VRK2: variants seen among roughly 807,000 people sequenced by gnomAD.
The protein encoded by VRK2 is VRK serine/threonine kinase 2.
In VRK2, 60 loss-of-function variants were observed where a neutral mutation model predicts 57.6. The observed-to-expected ratio is 1.04, with a 90% CI of 0.85 to 1.29. The LOEUF is 1.29. Ranked by LOEUF, VRK2 falls within the 50% of genes most tolerant of loss-of-function variation. The probability of loss-of-function intolerance (pLI) is 0.00; values close to 1 mark genes in which losing one functional copy is unlikely to be tolerated. For missense variants in VRK2, 705 were observed against 588.1 expected, an observed-to-expected ratio of 1.20 and a Z score of -2.06; for synonymous variants, 231 against 199.2, an observed-to-expected ratio of 1.16 and a Z score of -1.35.
In VRK2 at chr2:57,923,781, A is replaced by G. The variant is rs192944680; in HGVS notation, c.-439+15942A>G. The stretch of plus-strand genomic sequence containing the variant: ...GCTTTGGTTGCCTTTGCTTGTGGAT[A>G]TTACTCAAGAAATTTTTGCCCATTA... On this transcript the variant is annotated intron_variant, in intron 1 of 15. Coordinates refer to the VRK2 transcript ENST00000417641. Among the ~76,000 whole-genome samples the G allele has an allele frequency of 1.7e-4, 26 of 151,828 alleles. No homozygotes were observed. The South Asian group carries it at 4.4e-3, about 25-fold the overall frequency.
chr2:58,079,670 A>C (rs1490333834), intron 2 of VRK2, among the ~76,000 whole-genome samples: 1 of 152,038 alleles, frequency 6.6e-6, no homozygotes, highest in Non-Finnish European at 1.5e-5. Context: ...TTTCAATGGC[A>C]AAACCGTGAT....
intron 1 of VRK2, among the ~76,000 whole-genome samples, chr2:58,015,101 T>G (rs1043373858): frequency 6.6e-6 from 1 of 152,208 alleles, no homozygotes; most frequent in Non-Finnish European, 1.5e-5. Flanking sequence ...ATCCTGGTAG[T>G]GGCTATATTC....
chr2:58,028,977 C>T (rs1674032507), intron 2 of VRK2, among the ~76,000 whole-genome samples: 1 of 124,844 alleles, frequency 8.0e-6, no homozygotes, highest in Non-Finnish European at 1.6e-5. Flanking sequence ...GAAGAATAAG[C>T]CAATAGAATA....
At chr2:58,087,564 A>G (rs1284070495) in intron 5 of VRK2, among the ~76,000 whole-genome samples, 1 of 152,232 alleles carries the variant, frequency 6.6e-6, no homozygotes, top group East Asian at 1.9e-4. Flanking sequence ...TGATGTGGAT[A>G]TATAAATGAA....
chr2:58,065,679 A>G (rs562133494), intron 2 of VRK2, among the ~76,000 whole-genome samples: 14 of 152,270 alleles, frequency 9.2e-5, no homozygotes, highest in Middle Eastern at 3.4e-3. Flanking sequence ...AGCTAAATCT[A>G]TTGATAAATT....
chr2:57,983,131 C>T (rs568845708), intron 1 of VRK2, among the ~76,000 whole-genome samples: 22 of 152,276 alleles, frequency 1.4e-4, no homozygotes, highest in Non-Finnish European at 2.6e-4. Flanking sequence ...CCACTCTCAA[C>T]GCCTTCTTTC....
intron 1 of VRK2, among the ~76,000 whole-genome samples, chr2:57,958,759 T>C (rs186677607): frequency 1.6e-3 from 245 of 152,260 alleles, no homozygotes; most frequent in African/African-American, 5.1e-3. Flanking sequence ...CCACATCCTA[T>C]AGCTAGCTCA....
intron 7 of VRK2, among the ~76,000 whole-genome samples, chr2:58,113,983 A>G (rs761571903): frequency 2.1e-4 from 32 of 152,146 alleles, no homozygotes; most frequent in Admixed American, 9.8e-4. Context: ...CTGCTTCAAC[A>G]GGATTAGGGG....
intron 2 of VRK2, among the ~76,000 whole-genome samples, chr2:58,081,724 T>C (rs973721783): frequency 6.6e-6 from 1 of 151,906 alleles, no homozygotes; most frequent in Admixed American, 6.6e-5. Flanking sequence ...GTCAATGTTT[T>C]CAGTCTACCG....
Position 58,009,732 on chromosome 2 carries a change from G to A in VRK2, c.-438-15933G>A, listed in dbSNP as rs952272336. Among the ~76,000 whole-genome samples, 15 of 151,738 alleles carry A rather than the reference G, an allele frequency of 9.9e-5. 1 individual carries two copies. Among genetic ancestry groups the A allele is most frequent in the African/African-American group, 3.6e-4 (15 of 41,354 alleles). ...GCTCATATTTTATTAAAATTGTGAA[G>A]AGTACAATACAGATGCTTAAGAAAA... On this transcript the variant is annotated intron_variant, in intron 1 of 15. Transcript: ENST00000417641.
intron 1 of VRK2, among the ~76,000 whole-genome samples, chr2:57,963,302 T>C (rs745457535): frequency 1.3e-5 from 2 of 152,190 alleles, no homozygotes; most frequent in Non-Finnish European, 2.9e-5. Context: ...TTAAAAGAAA[T>C]CAGAATTTGT....
intron 1 of VRK2, among the ~76,000 whole-genome samples, chr2:57,953,397 T>C (rs1266897735): frequency 2.0e-5 from 3 of 152,180 alleles, no homozygotes; most frequent in African/African-American, 7.2e-5. Context: ...ATTCTAACTA[T>C]TGATAGGGCA....
intron 12 of VRK2, 130 bp from the exon 13 acceptor site, chr2:58,159,219 T>G: frequency 1.5e-6 from 1 of 662,522 alleles, no homozygotes. Flanking sequence ...AAATTACTTC[T>G]CAGGAAAAAT....
intron 1 of VRK2, among the ~76,000 whole-genome samples, chr2:57,988,125 C>A (rs1029017107): frequency 1.2e-4 from 18 of 151,908 alleles, no homozygotes; most frequent in African/African-American, 3.6e-4. Flanking sequence ...TCTTGCAGGA[C>A]TGTATAAAAA....
chr2:57,918,076 G>A (rs1185168129), intron 1 of VRK2, among the ~76,000 whole-genome samples: 1 of 152,092 alleles, frequency 6.6e-6, no homozygotes, highest in Admixed American at 6.6e-5. Flanking sequence ...TCCAGCATGT[G>A]AAGCTTAATT....
chr2:57,995,156 T>C (rs1672886837), intron 1 of VRK2, among the ~76,000 whole-genome samples: 1 of 152,210 alleles, frequency 6.6e-6, no homozygotes, highest in Non-Finnish European at 1.5e-5. Context: ...TCAGTGAATT[T>C]TCCATACACT....
intron 2 of VRK2, among the ~76,000 whole-genome samples, chr2:58,027,687 A>G (rs917785936): frequency 3.3e-5 from 5 of 152,196 alleles, no homozygotes; most frequent in Admixed American, 6.6e-5. Flanking sequence ...TGGCCCCTAT[A>G]AAGATAGAAA....
intron 1 of VRK2, among the ~76,000 whole-genome samples, chr2:57,924,501 G>T (rs1670466932): frequency 6.6e-6 from 1 of 151,816 alleles, no homozygotes. Context: ...TTAATTTCTT[G>T]ACTCCTTTCT....
rs1413506734 is a variant in VRK2 at position 58,131,907 on chromosome 2, C to T, written c.776C>T (p.Ala259Val). 1.2e-6 allele frequency: 2 copies of T among 1,614,122 alleles called. No homozygotes were observed. Among genetic ancestry groups the T allele is most frequent in the South Asian group, 2.2e-5 (2 of 91,090 alleles). ...GAACAGAACCTGAAGGACCCTGTGGCTGTGCAGACTGCTAAAACAAAGTAC... is the reference window on the plus strand; with the variant it reads ...GAACAGAACCTGAAGGACCCTGTGGTTGTGCAGACTGCTAAAACAAAGTAC... Reference protein sequence around the residue: ...PWEQNLKDPVAVQTAKTNLLD... With the variant: ...PWEQNLKDPVVVQTAKTNLLD... The change falls in exon 9 of 13, where the codon GCT (alanine) becomes GTT (valine). Residue 259 changes from alanine (A) to valine (V), a missense_variant. Transcript: ENST00000340157.
Sources: allele counts gnomAD v4.1 joint callset (sites outside exome capture counted in the v4.1 genomes callset), GRCh38; gene constraint gnomAD v4.1.1; transcripts MANE v1.5; gene names NCBI Gene and HGNC (gene_info 2026-07-23, HGNC 2026-07-21).